The following CDK6 variants were observed in gnomAD, a reference collection of about 807,000 sequenced individuals.
The protein encoded by CDK6 is cyclin-dependent kinase 6.
A neutral mutation model predicts 37.1 loss-of-function variants in CDK6; 6 were observed. The ratio of observed to expected loss-of-function variants is 0.16; its 90% CI spans 0.09 to 0.32. The LOEUF (loss-of-function observed/expected upper bound fraction) is 0.32, where lower values mean the gene tolerates loss of function less well. CDK6 is among the 10% of genes least tolerant of loss of function. The pLI is 1.00. For synonymous variants in CDK6, 160 were observed against 161.3 expected, an observed-to-expected ratio of 0.99 and a Z score of 0.06; for missense variants, 224 against 418.9, an observed-to-expected ratio of 0.53 and a Z score of 4.06.
At chr7:92,697,184 C>T (rs933834944) in intron 4 of CDK6, among the ~76,000 whole-genome samples, 10 of 152,186 alleles carry the variant, frequency 6.6e-5, no homozygotes, top group South Asian at 2.1e-4. Context: ...TCATAACTAT[C>T]GGCCTGGCTT....
At chr7:92,728,980 T>C (rs1434949978) in intron 3 of CDK6, among the ~76,000 whole-genome samples, 2 of 152,194 alleles carry the variant, frequency 1.3e-5, no homozygotes, top group South Asian at 4.1e-4. Flanking sequence ...TTAGCCAACC[T>C]TTATTGCAAT....
intron 3 of CDK6, among the ~76,000 whole-genome samples, chr7:92,743,435 T>C (rs868842902): frequency 1.4e-4 from 21 of 150,696 alleles, no homozygotes; most frequent in African/African-American, 4.6e-4. Context: ...AAAAAAGAAC[T>C]CCAGCAACTC....
intron 4 of CDK6, among the ~76,000 whole-genome samples, chr7:92,723,545 T>C (rs1433840722): frequency 2.6e-5 from 4 of 152,200 alleles, no homozygotes; most frequent in Non-Finnish European, 5.9e-5. Context: ...AATCGACGCA[T>C]TACTATATTA....
chr7:92,621,593 G>T (rs1795806025), intron 6 of CDK6, among the ~76,000 whole-genome samples: 1 of 152,188 alleles, frequency 6.6e-6, no homozygotes, highest in Admixed American at 6.6e-5. Flanking sequence ...AAGGTCATCA[G>T]TATGTCTGCT....
chr7:92,743,826 C>T (rs1002779319), intron 3 of CDK6, among the ~76,000 whole-genome samples: 4 of 152,098 alleles, frequency 2.6e-5, no homozygotes, highest in African/African-American at 7.2e-5. Flanking sequence ...AGAAGCTATA[C>T]ACAAAAAGCA....
chr7:92,808,056 T>TA (rs1277876944), intron 2 of CDK6, among the ~76,000 whole-genome samples: 2 of 152,120 alleles, frequency 1.3e-5, no homozygotes, highest in Non-Finnish European at 2.9e-5. Context: ...ATTCCTCAAT[T>TA]ACGCAAGTTA....
chr7:92,671,355 G>T, intron 5 of CDK6, 71 bp downstream of exon 5: 1 of 951,774 alleles, frequency 1.1e-6, no homozygotes, highest in Non-Finnish European at 1.5e-6. Context: ...ATGCCATGCT[G>T]CCACTCAAAT....
At chr7:92,772,336 T>C (rs1584073273) in intron 3 of CDK6, among the ~76,000 whole-genome samples, 3 of 152,154 alleles carry the variant, frequency 2.0e-5, no homozygotes, top group African/African-American at 7.2e-5. Flanking sequence ...TTTATTTTAC[T>C]ATGAAAACAT....
At chr7:92,698,399 A>G (rs1016066622) in intron 4 of CDK6, among the ~76,000 whole-genome samples, 15 of 152,224 alleles carry the variant, frequency 9.9e-5, no homozygotes, top group African/African-American at 3.4e-4. Flanking sequence ...ACATCCGCAC[A>G]TCGTTAGCTG....
In CDK6 at chr7:92,605,929, A is replaced by T. The variant is rs1011233738; in HGVS notation, c.*9211T>A. On this transcript the variant is annotated 3_prime_UTR_variant, in exon 8 of 8. Coordinates refer to ENST00000424848, the MANE Select transcript of CDK6 (RefSeq NM_001145306.2). ...ACATCTGATACAAAGTCACCTGCCAACATTCTTATAAGACTGTGTCCCAGG... is the reference window on the plus strand; with the variant it reads ...ACATCTGATACAAAGTCACCTGCCATCATTCTTATAAGACTGTGTCCCAGG... The T allele has an allele frequency of 1.7e-5, 4 of 233,602 alleles. No individual in the cohort carries two copies. The highest frequency in any genetic ancestry group is 3.4e-5 in the Non-Finnish European group (4 of 118,056). The allele number at this position is 233,602 out of a possible 1,614,324, so 14.5% of individuals were successfully genotyped here. A position where few individuals can be genotyped will look rare whatever the true frequency, so the allele number is the denominator to read the frequency against.
chr7:92,705,139 G>A (rs560098446), intron 4 of CDK6, among the ~76,000 whole-genome samples: 3 of 152,042 alleles, frequency 2.0e-5, no homozygotes, highest in African/African-American at 4.8e-5. Flanking sequence ...CTTGCATCTC[G>A]GGCATTCCTT....
chr7:92,655,144 C>T (rs574469402), intron 5 of CDK6, among the ~76,000 whole-genome samples: 1 of 151,834 alleles, frequency 6.6e-6, no homozygotes, highest in African/African-American at 2.4e-5. Context: ...TTGCACCTGG[C>T]CACCAAATGG....
At chr7:92,711,385 A>G (rs2116680722) in intron 4 of CDK6, among the ~76,000 whole-genome samples, 1 of 152,230 alleles carries the variant, frequency 6.6e-6, no homozygotes, top group African/African-American at 2.4e-5. Context: ...ATACTATTAT[A>G]GGCACATCCA....
intron 2 of CDK6, among the ~76,000 whole-genome samples, chr7:92,818,748 T>A (rs1430756315): frequency 6.6e-6 from 1 of 151,968 alleles, no homozygotes; most frequent in Non-Finnish European, 1.5e-5. Context: ...AACTCAATTT[T>A]AAAAAACGGT....
chr7:92,836,433 A>T (rs1423621973), intron 1 of CDK6, 45 bp downstream of exon 1: 4 of 132,514 alleles, frequency 3.0e-5, no homozygotes, highest in Non-Finnish European at 6.5e-5. Flanking sequence ...CTCCCCCGGG[A>T]CCCCCCACCC....
At chr7:92,716,255 T>C (rs1180878461) in intron 4 of CDK6, among the ~76,000 whole-genome samples, 3 of 152,218 alleles carry the variant, frequency 2.0e-5, no homozygotes, top group African/African-American at 7.2e-5. Flanking sequence ...GCAATTAAGT[T>C]CAAAGAATAG....
intron 2 of CDK6, among the ~76,000 whole-genome samples, chr7:92,813,000 A>G (rs1373843693): frequency 6.6e-6 from 1 of 152,132 alleles, no homozygotes; most frequent in Non-Finnish European, 1.5e-5. Flanking sequence ...ACAAGGAGCA[A>G]TTTTCTTCTA....
At position 92,833,810 on chromosome 7, in the gene CDK6, G is replaced by A. The variant is rs1370730713; in HGVS notation, c.-367-120C>T. The A allele has an allele frequency of 4.9e-6, 2 of 405,170 alleles. No individual in the cohort carries two copies. Among genetic ancestry groups the A allele is most frequent in the Non-Finnish European group, 8.7e-6 (2 of 230,894 alleles). 25.1% of individuals were successfully genotyped at this position (405,170 alleles called of 1,614,324 possible). A position where few individuals can be genotyped will look rare whatever the true frequency, so the allele number is the denominator to read the frequency against. On this transcript the variant is annotated intron_variant, in intron 1 of 7. Transcript: ENST00000424848. The surrounding 1 kb of genome is among the most constrained non-coding windows in gnomAD (Gnocchi z 6.1). ...CGAAGCCTCCATCGCTACCCTCCGC[G>A]CGCTCCTGCCCTCTCCCAAGCCGCT... is the stretch of plus-strand genomic sequence containing the variant.
chr7:92,833,700 G>A lies in CDK6; in HGVS notation c.-367-10C>T, dbSNP rs1801563015. On this transcript the variant is annotated splice_polypyrimidine_tract_variant and intron_variant, in intron 1 of 7. Coordinates refer to ENST00000424848, the MANE Select transcript of CDK6 (RefSeq NM_001145306.2). This position sits in a 1 kb window ranked among gnomAD's most constrained non-coding sequence, Gnocchi z 6.1. ...TCCAGAATCATTGCACCTAAAGGAG[G>A]AGACGGGAGGATAAGAAGAAAGTGC... The A allele has an allele frequency of 2.3e-6, 1 of 437,528 alleles. No individual in the cohort carries two copies. The highest frequency in any genetic ancestry group is 4.0e-6 in the Non-Finnish European group (1 of 251,624). 27.1% of individuals were successfully genotyped at this position (437,528 alleles called of 1,614,324 possible).
Sources: allele counts gnomAD v4.1 joint callset (sites outside exome capture counted in the v4.1 genomes callset), GRCh38; gene constraint gnomAD v4.1.1; non-coding constraint Gnocchi (gnomAD v3.1); transcripts MANE v1.5; gene names NCBI Gene and HGNC (gene_info 2026-07-23, HGNC 2026-07-21).